OPCML: variants seen among roughly 807,000 people sequenced by gnomAD.
The protein encoded by OPCML is opioid-binding protein/cell adhesion molecule.
A neutral mutation model predicts 37.8 loss-of-function variants in OPCML; 13 were observed. The observed-to-expected ratio is 0.34, with a 90% CI of 0.22 to 0.55. OPCML has a LOEUF of 0.55. OPCML is among the 20% of genes least tolerant of loss of function. The pLI is 0.91. For synonymous variants in OPCML, 176 were observed against 168.8 expected (o/e 1.04, Z -0.33); for missense variants, 341 against 435.6 (o/e 0.78, Z 1.93).
intron 2 of OPCML, among the ~76,000 whole-genome samples, chr11:132,878,014 C>T (rs1369474855): frequency 6.6e-6 from 1 of 152,142 alleles, no homozygotes; most frequent in Non-Finnish European, 1.5e-5. Flanking sequence ...AACCCCGTCT[C>T]TACTAAAAAT....
rs550546937 is a variant in OPCML, at chr11:133,158,639, G to A, written c.62-215629C>T. On this transcript the variant is annotated intron_variant, in intron 1 of 7. Coordinates refer to ENST00000524381, the MANE Select transcript of OPCML (RefSeq NM_001012393.5). ...CACTTGAACCTGGGAGGTGGAGGTT[G>A]CAGTGAGCCAAGATCACGCCACTGC... is the stretch of plus-strand genomic sequence containing the variant. 3.6e-3 allele frequency among the ~76,000 whole-genome samples: 540 copies of A among 151,538 alleles called. 1 individual carries two copies. The highest frequency in any genetic ancestry group is 5.5e-3 in the Non-Finnish European group (373 of 67,964).
intron 1 of OPCML, among the ~76,000 whole-genome samples, chr11:133,328,784 G>A (rs1943542743): frequency 1.3e-5 from 2 of 152,270 alleles, no homozygotes; most frequent in Middle Eastern, 3.4e-3. Context: ...AGACAGGGAT[G>A]CCCTCTCTCA....
intron 1 of OPCML, among the ~76,000 whole-genome samples, chr11:133,416,673 T>C (rs1046410251): frequency 1.3e-5 from 2 of 152,206 alleles, no homozygotes; most frequent in African/African-American, 2.4e-5. Context: ...CAAATGCAGG[T>C]TGAATGATCA....
intron 2 of OPCML, among the ~76,000 whole-genome samples, chr11:132,670,448 C>T (rs1274833983): frequency 6.6e-6 from 1 of 152,174 alleles, no homozygotes; most frequent in Non-Finnish European, 1.5e-5. Context: ...AACCTCCTCC[C>T]CTTTTTGGTT....
intron 2 of OPCML, among the ~76,000 whole-genome samples, chr11:132,828,395 A>G (rs1347795066): frequency 6.6e-6 from 1 of 152,142 alleles, no homozygotes; most frequent in African/African-American, 2.4e-5. Flanking sequence ...ATGGACTTTT[A>G]GTTGTTAATG....
chr11:133,187,556 G>A (rs553160496), intron 1 of OPCML, among the ~76,000 whole-genome samples: 19 of 152,128 alleles, frequency 1.2e-4, no homozygotes, highest in East Asian at 3.9e-4. Flanking sequence ...CAACCCCTGC[G>A]CAACTTCTAC....
chr11:132,514,313 G>A (rs2096275224), intron 4 of OPCML, among the ~76,000 whole-genome samples: 1 of 152,140 alleles, frequency 6.6e-6, no homozygotes, highest in Non-Finnish European at 1.5e-5. Flanking sequence ...AGCAAGCATG[G>A]GAGGCTTGAA....
intron 2 of OPCML, among the ~76,000 whole-genome samples, chr11:132,847,224 C>T (rs1204070518): frequency 6.6e-6 from 1 of 152,168 alleles, no homozygotes; most frequent in Non-Finnish European, 1.5e-5. Flanking sequence ...AGTAGGAAGA[C>T]ACCTTCGAAG....
chr11:133,323,323 T>C (rs1657887137), intron 1 of OPCML, among the ~76,000 whole-genome samples: 1 of 152,228 alleles, frequency 6.6e-6, no homozygotes, highest in Admixed American at 6.5e-5. Context: ...TGTTCAATTC[T>C]AATGCTTATG....
intron 1 of OPCML, among the ~76,000 whole-genome samples, chr11:133,355,141 G>A (rs1268870281): frequency 1.3e-5 from 2 of 152,336 alleles, no homozygotes; most frequent in African/African-American, 4.8e-5. Flanking sequence ...AACTGACTAA[G>A]AGGAGAGTTC....
At chr11:132,728,901 CTCTT>C (rs1162177197) in intron 2 of OPCML, among the ~76,000 whole-genome samples, 1 of 152,098 alleles carries the variant, frequency 6.6e-6, no homozygotes, top group African/African-American at 2.4e-5. Context: ...CAGGTCTGTG[CTCTT>C]TCTACCACCC....
At chr11:132,904,349 C>G (rs1390719547) in intron 2 of OPCML, among the ~76,000 whole-genome samples, 1 of 152,182 alleles carries the variant, frequency 6.6e-6, no homozygotes, top group African/African-American at 2.4e-5. Context: ...ATTGTAAAAT[C>G]ATAATAAAAA....
intron 2 of OPCML, among the ~76,000 whole-genome samples, chr11:132,741,855 C>T (rs1482045301): frequency 6.6e-6 from 1 of 151,650 alleles, no homozygotes; most frequent in Non-Finnish European, 1.5e-5. Flanking sequence ...GAAGAAACCC[C>T]GTCTCTACTA....
At chr11:133,304,798 C>T (rs964186923) in intron 1 of OPCML, among the ~76,000 whole-genome samples, 2 of 152,164 alleles carry the variant, frequency 1.3e-5, no homozygotes, top group African/African-American at 2.4e-5. Flanking sequence ...TTAACCACCA[C>T]GTAACCCCTT....
At chr11:132,715,925 G>A (rs1014402514) in intron 2 of OPCML, among the ~76,000 whole-genome samples, 30 of 152,248 alleles carry the variant, frequency 2.0e-4, no homozygotes, top group African/African-American at 4.6e-4. Flanking sequence ...GTCGATGCTC[G>A]ATAGAAGGCA....
chr11:132,710,714 G>A (rs1191768316), intron 2 of OPCML, among the ~76,000 whole-genome samples: 16 of 151,452 alleles, frequency 1.1e-4, no homozygotes, highest in Non-Finnish European at 5.9e-5. Flanking sequence ...AATTAGCCAG[G>A]TGTTATGGTG....
At chr11:132,820,500 G>A (rs2136246714) in intron 2 of OPCML, among the ~76,000 whole-genome samples, 1 of 152,122 alleles carries the variant, frequency 6.6e-6, no homozygotes, top group Non-Finnish European at 1.5e-5. Flanking sequence ...TATATGTGGT[G>A]TGTGTGTATG....
At chr11:132,534,382 T>C (rs2096334609) in intron 3 of OPCML, among the ~76,000 whole-genome samples, 1 of 152,224 alleles carries the variant, frequency 6.6e-6, no homozygotes, top group Non-Finnish European at 1.5e-5. Flanking sequence ...CTCCCAGTAA[T>C]TAGAACTGTG....
chr11:133,521,270 A>T (rs1279607862), intron 1 of OPCML, among the ~76,000 whole-genome samples: 1 of 152,246 alleles, frequency 6.6e-6, no homozygotes, highest in East Asian at 1.9e-4. Context: ...TGCTTGCCCA[A>T]GATCACTTGG....
Sources: allele counts gnomAD v4.1 joint callset (sites outside exome capture counted in the v4.1 genomes callset), GRCh38; gene constraint gnomAD v4.1.1; transcripts MANE v1.5; gene names NCBI Gene and HGNC (gene_info 2026-07-23, HGNC 2026-07-21).